Variants in KIAA0319 observed in about 807,000 individuals in gnomAD.
The protein encoded by KIAA0319 is dyslexia-associated protein KIAA0319.
Under a neutral mutation model 108.4 loss-of-function variants are expected in KIAA0319, and 83 were observed. That is an observed-to-expected ratio of 0.77 (90% CI 0.64 to 0.92). The LOEUF (loss-of-function observed/expected upper bound fraction) is 0.92, where lower values mean the gene tolerates loss of function less well. Ranked by LOEUF, KIAA0319 falls within the 40% of genes least tolerant of loss-of-function variation. The pLI is 0.00. For synonymous variants in KIAA0319, 484 were observed against 510.4 expected, an observed-to-expected ratio of 0.95 and a Z score of 0.70; for missense variants, 1,195 against 1,322.4, an observed-to-expected ratio of 0.90 and a Z score of 1.49.
At chr6:24,542,212 T>C (rs1760217072), downstream of KIAA0319, among the ~76,000 whole-genome samples, 1 of 152,244 alleles carries the variant, frequency 6.6e-6, no homozygotes, top group African/African-American at 2.4e-5. Context: ...AAAGATTTTG[T>C]TCCTTTACTT....
At position 24,581,023 on chromosome 6, in the gene KIAA0319, A is replaced by G. The variant is rs757656416; in HGVS notation, c.1192-10T>C. 1.9e-6 allele frequency: 3 copies of G among 1,580,308 alleles called. No individual in the cohort carries two copies. Among genetic ancestry groups the G allele is most frequent in the Non-Finnish European group, 2.6e-6 (3 of 1,149,978 alleles). ...AAAGTCCGACGGACAACTGTAACATAAAGAAAAGTTGTACAGTTCAACATG... is the reference window on the plus strand; with the variant it reads ...AAAGTCCGACGGACAACTGTAACATGAAGAAAAGTTGTACAGTTCAACATG... On this transcript the variant is annotated splice_polypyrimidine_tract_variant and intron_variant, in intron 6 of 20. Transcript: ENST00000378214.
rs1258645393 is a variant in KIAA0319 at position 24,600,701 on chromosome 6, A to G, written c.55+348T>C. 5 of 1,519,822 alleles carry G rather than the reference A, an allele frequency of 3.3e-6. No homozygotes were observed. The African/African-American group carries it at 6.9e-5, about 21-fold the overall frequency. The allele number at this position is 1,519,822 out of a possible 1,614,324, so 94.1% of individuals were successfully genotyped here. ...TTTTTTTGCCATGAGTGCATCCACC[A>G]TAAGCAAACTGAGTATAATGAAAAT... On this transcript the variant is annotated intron_variant, in intron 2 of 20. Transcript: ENST00000378214.
Position 24,582,268 on chromosome 6 carries a change from TG to T in KIAA0319, c.1171del (p.Gln391LysfsTer45). 1 of 1,601,542 alleles carries T rather than the reference TG, an allele frequency of 6.2e-7. No individual in the cohort carries two copies. The highest frequency in any genetic ancestry group is 8.6e-7 in the Non-Finnish European group (1 of 1,168,648). On this transcript the variant is annotated frameshift_variant, in exon 6 of 21. Coordinates refer to ENST00000378214, the MANE Select transcript of KIAA0319 (RefSeq NM_014809.4). LOFTEE classifies it high-confidence loss of function. ...YQGEIKQGHK[Q>X]TLNLSQLSVG... is the part of the protein sequence containing the mutation. ...ACTTACTTGAGAGAGGTTAAGAGTT[TG>T]CTTGTGTCCTTGTTTTATTTCACCT...
intron 18 of KIAA0319, 59 bp downstream of exon 18, chr6:24,556,548 C>A: frequency 6.4e-7 from 1 of 1,562,196 alleles, no homozygotes; most frequent in South Asian, 1.2e-5. Context: ...ATTTCTGATA[C>A]CTGAGAATGA....
intron 9 of KIAA0319, 45 bp from the exon 10 acceptor site, chr6:24,576,641 T>C (rs1184069510): frequency 6.7e-7 from 1 of 1,483,028 alleles, no homozygotes; most frequent in East Asian, 2.3e-5. Context: ...TATGCCAGGC[T>C]GGGTGCAGTG....
chr6:24,607,172 A>G (rs1244298330), intron 1 of KIAA0319, among the ~76,000 whole-genome samples: 4 of 152,300 alleles, frequency 2.6e-5, no homozygotes, highest in Admixed American at 2.0e-4. Context: ...CCTGACCAAC[A>G]TGGTGAAACC....
At chr6:24,582,897 T>C (rs368118577) in intron 5 of KIAA0319, among the ~76,000 whole-genome samples, 254 of 152,276 alleles carry the variant, frequency 1.7e-3, no homozygotes, top group African/African-American at 5.8e-3. Context: ...CTGCAGATAT[T>C]AGTAGTTAAA....
chr6:24,580,499 C>T (rs1766328409), intron 7 of KIAA0319, among the ~76,000 whole-genome samples: 1 of 152,154 alleles, frequency 6.6e-6, no homozygotes, highest in Non-Finnish European at 1.5e-5. Context: ...CCCACCCAGC[C>T]CAAGAACCAC....
At chr6:24,605,092 T>C (rs1487568595) in intron 1 of KIAA0319, among the ~76,000 whole-genome samples, 3 of 152,176 alleles carry the variant, frequency 2.0e-5, no homozygotes, top group Non-Finnish European at 2.9e-5. Flanking sequence ...CCACCCGCCT[T>C]GGCCTCCCAA....
At position 24,599,330 on chromosome 6, in the gene KIAA0319, C is replaced by T. The variant is rs558448337; in HGVS notation, c.55+1719G>A. On this transcript the variant is annotated intron_variant, in intron 2 of 20. Transcript: ENST00000378214. The surrounding 1 kb of genome is among the most constrained non-coding windows in gnomAD (Gnocchi z 4.1). ...AGACTGAGACTGAGGGCCTCAAAGG[C>T]TAGAGGGCTTCCCTAGAGGCCACCA... The T allele has an allele frequency of 6.3e-5, 32 of 507,324 alleles. No homozygotes were observed. Among genetic ancestry groups the T allele is most frequent in the South Asian group, 5.0e-4 (28 of 56,152 alleles). 31.4% of individuals were successfully genotyped at this position (507,324 alleles called of 1,614,324 possible). A position where few individuals can be genotyped will look rare whatever the true frequency, so the allele number is the denominator to read the frequency against.
intron 19 of KIAA0319, among the ~76,000 whole-genome samples, chr6:24,553,970 G>T (rs2127421393): frequency 6.6e-6 from 1 of 152,288 alleles, no homozygotes; most frequent in South Asian, 2.1e-4. Context: ...AGCCACCCTA[G>T]CAAAATAACT....
chr6:24,645,097 TG>T (rs955909139), intron 1 of KIAA0319, among the ~76,000 whole-genome samples: 66 of 152,218 alleles, frequency 4.3e-4, no homozygotes, highest in Middle Eastern at 3.4e-3. Context: ...TTCTTGTGTG[TG>T]GGGGGGAACA....
chr6:24,602,596 C>G (rs1770799376), intron 1 of KIAA0319, among the ~76,000 whole-genome samples: 1 of 152,172 alleles, frequency 6.6e-6, no homozygotes, highest in South Asian at 2.1e-4. Context: ...GTCAGGAGAT[C>G]GAGACCATCC....
rs527626492 is a variant in KIAA0319 at position 24,588,818 on chromosome 6, TA to T, written c.802-34del. 2,695 of 1,393,786 alleles carry T rather than the reference TA, an allele frequency of 1.9e-3. 11 individuals carry two copies. The highest frequency in any genetic ancestry group is 0.017 in the African/African-American group (1,167 of 67,960). 86.3% of individuals were successfully genotyped at this position (1,393,786 alleles called of 1,614,324 possible). A position where few individuals can be genotyped will look rare whatever the true frequency, so the allele number is the denominator to read the frequency against. Reference sequence around the variant, plus strand: ...ATCAATTACAAGGATAAATTGTTATTAAAAAAAAAACAGTCCAACTCTTCAA... The same window carrying T: ...ATCAATTACAAGGATAAATTGTTATTAAAAAAAAACAGTCCAACTCTTCAA... On this transcript the variant is annotated intron_variant, in intron 3 of 20. Coordinates refer to ENST00000378214, the MANE Select transcript of KIAA0319 (RefSeq NM_014809.4).
intron 1 of KIAA0319, among the ~76,000 whole-genome samples, chr6:24,638,691 C>T (rs182587952): frequency 9.9e-5 from 15 of 151,182 alleles, no homozygotes; most frequent in Middle Eastern, 3.4e-3. Context: ...ACCTGGGAGG[C>T]GGAGCTTGCA....
Position 24,556,746 on chromosome 6 carries a change from A to G in KIAA0319, c.2735-17T>C. On this transcript the variant is annotated splice_polypyrimidine_tract_variant and intron_variant, in intron 17 of 20. Coordinates refer to ENST00000378214, the MANE Select transcript of KIAA0319 (RefSeq NM_014809.4). Reference sequence around the variant, plus strand: ...GAAGGCAACCTGCAAAGAGGTGTGTAGGGCTGAGGGCAGCATGCAGAAAAG... The same window carrying G: ...GAAGGCAACCTGCAAAGAGGTGTGTGGGGCTGAGGGCAGCATGCAGAAAAG... The G allele has an allele frequency of 6.2e-7, 1 of 1,603,776 alleles. No individual in the cohort carries two copies. Among genetic ancestry groups the G allele is most frequent in the Non-Finnish European group, 8.5e-7 (1 of 1,175,296 alleles).
intron 12 of KIAA0319, 61 bp downstream of exon 12, chr6:24,569,842 G>A: frequency 6.4e-7 from 1 of 1,571,808 alleles, no homozygotes; most frequent in Non-Finnish European, 8.7e-7. Context: ...ATCCTCCAGA[G>A]AAGGGATAAT....
chr6:24,611,404 G>A lies in KIAA0319; in HGVS notation c.-105-10196C>T, dbSNP rs190584559. 3.9e-3 allele frequency among the ~76,000 whole-genome samples: 586 copies of A among 152,126 alleles called. 2 individuals are homozygous for A. The highest frequency in any genetic ancestry group is 6.4e-3 in the Non-Finnish European group (434 of 67,990). ...GTCCCAGCTACTCAGGAGGCTGAGG[G>A]ATGAGAATCGCCTGAATCCGGGAGG... is the stretch of plus-strand genomic sequence containing the variant. On this transcript the variant is annotated intron_variant, in intron 1 of 20. Transcript: ENST00000378214.
At chr6:24,586,135 T>C (rs992606760) in intron 4 of KIAA0319, among the ~76,000 whole-genome samples, 6 of 152,158 alleles carry the variant, frequency 3.9e-5, no homozygotes, top group African/African-American at 1.2e-4. Flanking sequence ...CTTGGATACA[T>C]GTCATCAGGA....
Sources: gnomAD v4.1 joint callset for allele counts (sites outside exome capture counted in the v4.1 genomes callset) on GRCh38, gnomAD v4.1.1 for gene constraint, Gnocchi (gnomAD v3.1) non-coding constraint, MANE v1.5 for transcripts, NCBI Gene and HGNC (gene_info 2026-07-23, HGNC 2026-07-21) for gene names.